Variants in ONECUT3 observed in about 807,000 individuals in gnomAD.
The protein encoded by ONECUT3 is one cut domain family member 3.
Under a neutral mutation model 16.8 loss-of-function variants are expected in ONECUT3, and 11 were observed. That is an observed-to-expected ratio of 0.66 (90% CI 0.41 to 1.09). The LOEUF is 1.09. Ranked by LOEUF, ONECUT3 falls within the 50% of genes least tolerant of loss-of-function variation. The pLI, the probability that ONECUT3 is intolerant of heterozygous loss-of-function variation, is 0.00. For missense variants in ONECUT3, 637 were observed against 629.9 expected (o/e 1.01, Z -0.12); for synonymous variants, 344 against 310.7 (o/e 1.11, Z -1.13).
chr19:1,772,686 C>CTTTTT (rs201848533), intron 1 of ONECUT3, among the ~76,000 whole-genome samples: 51 of 64,004 alleles, frequency 8.0e-4, no homozygotes, highest in Non-Finnish European at 9.0e-4. Context: ...CTGCTTTACT[C>CTTTTT]TTTTTTTTTT....
rs996098228 is a variant in ONECUT3 at position 1,758,343 on chromosome 19, T to C, written c.1192+3489T>C. ...AGAGAGAGAGAGAGAGAGACAGAGA[T>C]GGGAGAGGAACTCTGGGTGCTGGAG... On this transcript the variant is annotated intron_variant, in intron 1 of 1. Coordinates refer to ENST00000382349, the MANE Select transcript of ONECUT3 (RefSeq NM_001080488.2). The surrounding 1 kb of genome is among the most constrained non-coding windows in gnomAD (Gnocchi z 5.9). Among the ~76,000 whole-genome samples the C allele has an allele frequency of 1.4e-5, 2 of 140,932 alleles. No individual in the cohort carries two copies. Among genetic ancestry groups the C allele is most frequent in the African/African-American group, 5.4e-5 (2 of 36,808 alleles). The allele number at this position is 140,932 out of a possible 152,430, so 92.5% of individuals were successfully genotyped here.
chr19:1,768,640 C>A (rs2068016605), intron 1 of ONECUT3, among the ~76,000 whole-genome samples: 1 of 152,196 alleles, frequency 6.6e-6, no homozygotes, highest in African/African-American at 2.4e-5. Context: ...TCGGGAGCTG[C>A]TGGTGATGGA....
rs1180799637 is a variant in ONECUT3, at chr19:1,758,316, AGAGAG to A, written c.1192+3463_1192+3467del. On this transcript the variant is annotated intron_variant, in intron 1 of 1. Transcript: ENST00000382349. The surrounding 1 kb of genome is among the most constrained non-coding windows in gnomAD (Gnocchi z 5.9). ...CAGAGAGACCAAAAAAAAAAAAAAA[AGAGAG>A]AGAGAGAGAGAGAGACAGAGATGGG... Among the ~76,000 whole-genome samples the A allele has an allele frequency of 5.3e-3, 232 of 44,086 alleles. 3 individuals carry two copies. Among genetic ancestry groups the A allele is most frequent in the Middle Eastern group, 0.021 (2 of 94 alleles). 28.9% of individuals were successfully genotyped at this position (44,086 alleles called of 152,430 possible). A position where few individuals can be genotyped will look rare whatever the true frequency, so the allele number is the denominator to read the frequency against.
Position 1,779,946 on chromosome 19 carries a change from T to G in ONECUT3, c.*4501T>G, listed in dbSNP as rs1431180961. On this transcript the variant is annotated 3_prime_UTR_variant, in exon 2 of 2. Transcript: ENST00000382349. ...CACCGAGCGTCCCCCCCTCAGTTCCTGGTTCTTGGGGGCACTCTGGTGTCA... is the reference window on the plus strand; with the variant it reads ...CACCGAGCGTCCCCCCCTCAGTTCCGGGTTCTTGGGGGCACTCTGGTGTCA... 1 of 152,038 alleles carries G rather than the reference T, an allele frequency of 6.6e-6. No homozygotes were observed. Among genetic ancestry groups the G allele is most frequent in the Non-Finnish European group, 1.5e-5 (1 of 68,032 alleles). 9.4% of individuals were successfully genotyped at this position (152,038 alleles called of 1,614,324 possible).
Position 1,762,156 on chromosome 19 carries a change from C to T in ONECUT3, c.1192+7302C>T, listed in dbSNP as rs10402793. The stretch of plus-strand genomic sequence containing the variant: ...CATCTGGAAGACGCCCCATCTCCCC[C>T]TGGACGCAGTGGCTGCGCCATCTGG... On this transcript the variant is annotated intron_variant, in intron 1 of 1. Transcript: ENST00000382349. The surrounding 1 kb of genome is among the most constrained non-coding windows in gnomAD (Gnocchi z 4.4). Among the ~76,000 whole-genome samples the T allele has an allele frequency of 2.5e-3, 377 of 152,366 alleles. 2 individuals are homozygous for T. The highest frequency in any genetic ancestry group is 8.8e-3 in the African/African-American group (366 of 41,590).
intron 1 of ONECUT3, among the ~76,000 whole-genome samples, chr19:1,757,149 C>T (rs576933274): frequency 6.6e-6 from 1 of 151,892 alleles, no homozygotes; most frequent in African/African-American, 2.4e-5. Context: ...GGGGTGGGCT[C>T]CCCGCAGCCG....
chr19:1,755,194 C>CGT lies in ONECUT3; in HGVS notation c.1192+352_1192+353dup, dbSNP rs1226052156. 1.1e-4 allele frequency among the ~76,000 whole-genome samples: 16 copies of CGT among 151,614 alleles called. No homozygotes were observed. The highest frequency in any genetic ancestry group is 2.0e-4 in the Admixed American group (3 of 15,222). ...CTCAGGGAAGCTCATTGTGTGTGTG[C>CGT]GTGTGTGTGTGTGAGCGCGCGCCTG... On this transcript the variant is annotated intron_variant, in intron 1 of 1. Coordinates refer to ENST00000382349, the MANE Select transcript of ONECUT3 (RefSeq NM_001080488.2). This position sits in a 1 kb window ranked among gnomAD's most constrained non-coding sequence, Gnocchi z 7.5.
intron 1 of ONECUT3, among the ~76,000 whole-genome samples, chr19:1,771,817 C>T (rs1011661748): frequency 1.3e-5 from 2 of 151,854 alleles, no homozygotes; most frequent in Middle Eastern, 3.4e-3. Flanking sequence ...ATAACTGGGA[C>T]CACAGGTGTG....
chr19:1,772,392 C>G (rs1235907359), intron 1 of ONECUT3, among the ~76,000 whole-genome samples: 1 of 152,028 alleles, frequency 6.6e-6, no homozygotes, highest in African/African-American at 2.4e-5. Flanking sequence ...GTGGTGAGAT[C>G]ATGCTCACTG....
intron 1 of ONECUT3, among the ~76,000 whole-genome samples, chr19:1,760,749 C>A (rs983603705): frequency 1.4e-4 from 21 of 152,100 alleles, no homozygotes; most frequent in African/African-American, 5.1e-4. Flanking sequence ...CCTCCCCCTC[C>A]CAACGCCAGC....
intron 1 of ONECUT3, among the ~76,000 whole-genome samples, chr19:1,757,852 C>G (rs1450594297): frequency 6.6e-6 from 1 of 152,076 alleles, no homozygotes; most frequent in Non-Finnish European, 1.5e-5. Flanking sequence ...CGCTGGTGCT[C>G]GGAAAGGGAA....
In ONECUT3 at chr19:1,753,543, T is replaced by C. The variant is rs1356090575; in HGVS notation, c.-120T>C. 11 of 291,562 alleles carry C rather than the reference T, an allele frequency of 3.8e-5. No individual in the cohort carries two copies. The highest frequency in any genetic ancestry group is 5.7e-5 in the Non-Finnish European group (11 of 192,232). 18.1% of individuals were successfully genotyped at this position (291,562 alleles called of 1,614,324 possible). On this transcript the variant is annotated 5_prime_UTR_variant, in exon 1 of 2. Transcript: ENST00000382349. Reference sequence around the variant, plus strand: ...CCGCGCTCGCAGCCGGGCCGGGCCGTGCGCCGCGCAGCCTGGCAGCCTCGC... The same window carrying C: ...CCGCGCTCGCAGCCGGGCCGGGCCGCGCGCCGCGCAGCCTGGCAGCCTCGC...
intron 1 of ONECUT3, among the ~76,000 whole-genome samples, chr19:1,760,661 G>T (rs148171398): frequency 2.0e-5 from 3 of 151,956 alleles, no homozygotes; most frequent in Non-Finnish European, 2.9e-5. Context: ...TGGGCGGTGG[G>T]GGGGGGCCAG....
rs1286026306 is a variant in ONECUT3, at chr19:1,778,866, T to TCTCACACACACA, written c.*3422_*3423insTCACACACACAC. The TCTCACACACACA allele has an allele frequency of 2.3e-5, 3 of 132,382 alleles. No individual in the cohort carries two copies. Among genetic ancestry groups the TCTCACACACACA allele is most frequent in the Non-Finnish European group, 3.2e-5 (2 of 63,358 alleles). The allele number at this position is 132,382 out of a possible 1,614,324, so 8.2% of individuals were successfully genotyped here. On this transcript the variant is annotated 3_prime_UTR_variant, in exon 2 of 2. Transcript: ENST00000382349. ...TGGATCCTTTTCAGATATCTTCGTATCACACACACACACACACACACACAC... is the reference window on the plus strand; with the variant it reads ...TGGATCCTTTTCAGATATCTTCGTATCTCACACACACACACACACACACACACACACACACAC...
Position 1,764,931 on chromosome 19 carries a change from C to T in ONECUT3, c.1192+10077C>T, listed in dbSNP as rs72971551. Among the ~76,000 whole-genome samples the T allele has an allele frequency of 0.15, 22,352 of 152,032 alleles. 1,828 individuals are homozygous for T. The highest frequency in any genetic ancestry group is 0.39 in the East Asian group (1,990 of 5,140). On this transcript the variant is annotated intron_variant, in intron 1 of 1. Coordinates refer to ENST00000382349, the MANE Select transcript of ONECUT3 (RefSeq NM_001080488.2). This position sits in a 1 kb window ranked among gnomAD's most constrained non-coding sequence, Gnocchi z 5.0. ...CAAGGAAACCGGTCATCATCCCAGC[C>T]GGAGACCGGGCTCCATATTGAATTG...
chr19:1,780,164 C>A lies in ONECUT3; in HGVS notation c.*4719C>A, dbSNP rs1360263253. ...CTCCTGAGGGCCCCAACAGCAGGCA[C>A]CAGCACCCCCTCCCCCCCCACCTCC... On this transcript the variant is annotated 3_prime_UTR_variant, in exon 2 of 2. Coordinates refer to ENST00000382349, the MANE Select transcript of ONECUT3 (RefSeq NM_001080488.2). 1 of 152,020 alleles carries A rather than the reference C, an allele frequency of 6.6e-6. No individual in the cohort carries two copies. The allele number at this position is 152,020 out of a possible 1,614,324, so 9.4% of individuals were successfully genotyped here.
At chr19:1,772,592 G>C (rs1600358756) in intron 1 of ONECUT3, among the ~76,000 whole-genome samples, 1 of 151,160 alleles carries the variant, frequency 6.6e-6, no homozygotes, top group East Asian at 1.9e-4. Context: ...TGACAACCCT[G>C]CTTCATCTTA....
chr19:1,769,083 A>G (rs1262739228), intron 1 of ONECUT3, among the ~76,000 whole-genome samples: 2 of 126,700 alleles, frequency 1.6e-5, no homozygotes, highest in Non-Finnish European at 3.1e-5. Flanking sequence ...GTGGAAGTGG[A>G]GGTGGAGGTG....
At chr19:1,775,126 G>GCCCCCCC in intron 1 of ONECUT3, 27 bp from the exon 2 acceptor site, 1 of 1,143,900 alleles carries the variant, frequency 8.7e-7, no homozygotes, top group Non-Finnish European at 1.2e-6. Context: ...TGTCCCGCTC[G>GCCCCCCC]CCCGCCCGCC....
Sources: allele counts gnomAD v4.1 joint callset (sites outside exome capture counted in the v4.1 genomes callset), GRCh38; gene constraint gnomAD v4.1.1; non-coding constraint Gnocchi (gnomAD v3.1); transcripts MANE v1.5; gene names NCBI Gene and HGNC (gene_info 2026-07-23, HGNC 2026-07-21).